The following FTL variants were observed in gnomAD, a reference collection of about 807,000 sequenced individuals.
The protein encoded by FTL is ferritin light chain, also known as epididymis secretory sperm binding protein.
Under a neutral mutation model 16.6 loss-of-function variants are expected in FTL, and 17 were observed. The observed-to-expected ratio is 1.02, with a 90% confidence interval of 0.70 to 1.53. The LOEUF (loss-of-function observed/expected upper bound fraction) is 1.53. FTL is among the 40% of genes most tolerant of loss of function. The pLI, the probability that FTL is intolerant of heterozygous loss-of-function variation, is 0.00. For missense variants in FTL, 186 were observed against 226.1 expected (o/e 0.82, Z 1.14); for synonymous variants, 73 against 89.9 (o/e 0.81, Z 1.06).
rs11553257 is a variant in FTL, at chr19:48,965,791, G to C, written c.124G>C (p.Asp42His). 1.9e-6 allele frequency: 3 copies of C among 1,614,166 alleles called. No individual in the cohort carries two copies. In the South Asian group the frequency reaches 3.3e-5, roughly 18 times the overall value. ...GTAGGGCTTCTATTTCGACCGCGAT[G>C]ATGTGGCTCTGGAAGGCGTGAGCCA... ...LSLGFYFDRD[D>H]VALEGVSHFF... The change falls in exon 2 of 4, where the codon GAT becomes CAT. Residue 42 changes from aspartate to histidine, a missense_variant. By Grantham distance (81) the Asp-to-His change is moderately conservative. Coordinates refer to ENST00000331825, the MANE Select transcript of FTL (RefSeq NM_000146.4).
At position 48,965,433 on chromosome 19, in the gene FTL, A is replaced by C; in HGVS notation, c.-75A>C. The C allele has an allele frequency of 1.0e-6, 1 of 981,762 alleles. No homozygotes were observed. Among genetic ancestry groups the C allele is most frequent in the Non-Finnish European group, 1.6e-6 (1 of 615,392 alleles). 60.8% of individuals were successfully genotyped at this position (981,762 alleles called of 1,614,324 possible). A position where few individuals can be genotyped will look rare whatever the true frequency, so the allele number is the denominator to read the frequency against. ...CTCTCCGCTTGCAACCTCCGGGACC[A>C]TCTTCTCGGCCATCTCCTGCTTCTG... On this transcript the variant is annotated 5_prime_UTR_variant, in exon 1 of 4. Coordinates refer to ENST00000331825, the MANE Select transcript of FTL (RefSeq NM_000146.4).
intron 2 of FTL, 28 bp from the exon 3 acceptor site, chr19:48,966,253 T>C (rs1206222741): frequency 6.2e-7 from 1 of 1,613,796 alleles, no homozygotes; most frequent in Non-Finnish European, 8.5e-7. Context: ...AGTGTGTGTA[T>C]TCTGAGCCAT....
At chr19:48,966,492 T>G in intron 3 of FTL, 86 bp downstream of exon 3, 1 of 1,612,866 alleles carries the variant, frequency 6.2e-7, no homozygotes, top group South Asian at 1.1e-5. Flanking sequence ...GAGCCTCATT[T>G]CACACCTGTC....
At position 48,965,772 on chromosome 19, in the gene FTL, C is replaced by T. The variant is rs557876420; in HGVS notation, c.105C>T (p.Gly35=). The stretch of plus-strand genomic sequence containing the variant: ...GTTGCCTCCATCTCTTCCCGTAGGG[C>T]TTCTATTTCGACCGCGATGATGTGG... ...LQASYTYLSL[G]FYFDRDDVAL... is the part of the protein sequence containing the mutation. The change falls in exon 2 of 4, where the codon GGC becomes GGT. Residue 35 remains glycine, a splice_region_variant and synonymous_variant. Coordinates refer to ENST00000331825, the MANE Select transcript of FTL (RefSeq NM_000146.4). The T allele has an allele frequency of 1.9e-6, 3 of 1,614,074 alleles. No homozygotes were observed. In the South Asian group the frequency reaches 3.3e-5, roughly 18 times the overall value.
At chr19:48,966,010 GGAGATT>G in intron 2 of FTL, 94 bp downstream of exon 2, 2 of 1,499,588 alleles carry the variant, frequency 1.3e-6, no homozygotes, top group Non-Finnish European at 1.8e-6. Flanking sequence ...TGGGCTTCTG[GGAGATT>G]GAGTTCGGTC....
Position 48,966,688 on chromosome 19 carries a change from G to A in FTL, c.481G>A (p.Gly161Arg). The A allele has an allele frequency of 6.2e-7, 1 of 1,613,768 alleles. No homozygotes were observed. The stretch of plus-strand genomic sequence containing the variant: ...CCACAGGCTGGGTGGCCCGGAGGCT[G>A]GGCTGGGCGAGTATCTCTTCGAAAG... ...NLHRLGGPEA[G>R]LGEYLFERLT... The change falls in exon 4 of 4, where the codon GGG becomes AGG. Residue 161 changes from glycine (G) to arginine (R), a missense_variant. Coordinates refer to ENST00000331825, the MANE Select transcript of FTL (RefSeq NM_000146.4).
chr19:48,965,309 G>A lies in FTL; in HGVS notation c.-199G>A, dbSNP rs943645679. 2 of 604,772 alleles carry A rather than the reference G, an allele frequency of 3.3e-6. No individual in the cohort carries two copies. Among genetic ancestry groups the A allele is most frequent in the African/African-American group, 3.7e-5 (2 of 54,564 alleles). The allele number at this position is 604,772 out of a possible 1,614,324, so 37.5% of individuals were successfully genotyped here. ...GAAGCCGCCCTAGCCACGTCCCCTCGCAGTTCGGCGGTCCCGCGGGTCTGT... is the reference window on the plus strand; with the variant it reads ...GAAGCCGCCCTAGCCACGTCCCCTCACAGTTCGGCGGTCCCGCGGGTCTGT... On this transcript the variant is annotated 5_prime_UTR_variant, in exon 1 of 4. Transcript: ENST00000331825.
Position 48,966,317 on chromosome 19 carries a change from G to T in FTL, c.286G>T (p.Ala96Ser). The change falls in exon 3 of 4, where the codon GCC becomes TCC. Residue 96 changes from alanine (A) to serine (S), a missense_variant. By Grantham distance (99) the Ala-to-Ser change is moderately conservative. Coordinates refer to ENST00000331825, the MANE Select transcript of FTL (RefSeq NM_000146.4). ...AEDEWGKTPD[A>S]MKAAMALEKK... is the part of the protein sequence containing the mutation. The stretch of plus-strand genomic sequence containing the variant: ...AGATGAGTGGGGTAAAACCCCAGAC[G>T]CCATGAAAGCTGCCATGGCCCTGGA... 1 of 1,614,092 alleles carries T rather than the reference G, an allele frequency of 6.2e-7. No individual in the cohort carries two copies. The highest frequency in any genetic ancestry group is 8.5e-7 in the Non-Finnish European group (1 of 1,180,002).
Position 48,965,497 on chromosome 19 carries a change from G to GCCAA in FTL, c.-3_1dup, listed in dbSNP as rs746746803. On this transcript the variant is annotated 5_prime_UTR_variant, in exon 1 of 4. Coordinates refer to ENST00000331825, the MANE Select transcript of FTL (RefSeq NM_000146.4). ...CCGTTTTTGTGGTTAGCTCCTTCTT[G>GCCAA]CCAACCAACCATGAGCTCCCAGATT... 1 of 1,605,666 alleles carries GCCAA rather than the reference G, an allele frequency of 6.2e-7. No homozygotes were observed. Among genetic ancestry groups the GCCAA allele is most frequent in the South Asian group, 1.1e-5 (1 of 90,932 alleles).
chr19:48,965,979 T>C (rs2038448757), intron 2 of FTL, 63 bp downstream of exon 2: 1 of 1,585,610 alleles, frequency 6.3e-7, no homozygotes, highest in Non-Finnish European at 8.6e-7. Flanking sequence ...GGAGCCTTGA[T>C]TTGAGGGCGT....
At position 48,966,684 on chromosome 19, in the gene FTL, G is replaced by T; in HGVS notation, c.477G>T (p.Glu159Asp). Residue 159 changes from glutamate to aspartate, a missense_variant, in exon 4 of 4, where the codon GAG becomes GAT. Transcript: ENST00000331825. ...LTNLHRLGGP[E>D]AGLGEYLFER... ...ACCTCCACAGGCTGGGTGGCCCGGA[G>T]GCTGGGCTGGGCGAGTATCTCTTCG... 6.2e-7 allele frequency: 1 copy of T among 1,613,804 alleles called. No individual in the cohort carries two copies. Among genetic ancestry groups the T allele is most frequent in the Non-Finnish European group, 8.5e-7 (1 of 1,180,032 alleles).
At chr19:48,966,500 G>C (rs2038457425) in intron 3 of FTL, 83 bp from the exon 4 acceptor site, 2 of 1,612,544 alleles carry the variant, frequency 1.2e-6, no homozygotes, top group Admixed American at 3.3e-5. Flanking sequence ...TTTCACACCT[G>C]TCACATTTTA....
rs2038438477 is a variant in FTL at position 48,965,346 on chromosome 19, A to G, written c.-162A>G. On this transcript the variant is annotated 5_prime_UTR_variant, in exon 1 of 4. Coordinates refer to ENST00000331825, the MANE Select transcript of FTL (RefSeq NM_000146.4). ...TCCCGCGGGTCTGTCTCTTGCTTCA[A>G]CAGTGTTTGGACGGAACAGATCCGG... is the stretch of plus-strand genomic sequence containing the variant. 5.9e-6 allele frequency: 4 copies of G among 679,918 alleles called. No homozygotes were observed. Among genetic ancestry groups the G allele is most frequent in the Non-Finnish European group, 5.4e-6 (2 of 371,700 alleles). 42.1% of individuals were successfully genotyped at this position (679,918 alleles called of 1,614,324 possible). A position where few individuals can be genotyped will look rare whatever the true frequency, so the allele number is the denominator to read the frequency against.
Position 48,966,407 on chromosome 19 carries a change from G to GT in FTL, c.375+2dup. On this transcript the variant is annotated splice_donor_variant, in intron 3 of 3. Coordinates refer to ENST00000331825, the MANE Select transcript of FTL (RefSeq NM_000146.4). ...GGGTTCTGCCCGCACGGACCCCCAT[G>GT]TACGTACCCGCTGCATCCATGGCTA... The GT allele has an allele frequency of 6.2e-7, 1 of 1,614,050 alleles. No individual in the cohort carries two copies. Among genetic ancestry groups the GT allele is most frequent in the South Asian group, 1.1e-5 (1 of 91,072 alleles).
Position 48,965,823 on chromosome 19 carries a change from C to T in FTL, c.156C>T (p.Phe52=), listed in dbSNP as rs143106340. 1 of 1,614,192 alleles carries T rather than the reference C, an allele frequency of 6.2e-7. No individual in the cohort carries two copies. The highest frequency in any genetic ancestry group is 1.7e-4 in the Middle Eastern group (1 of 6,060). ...DVALEGVSHF[F]RELAEEKREG... Reference sequence around the variant, plus strand: ...CTCTGGAAGGCGTGAGCCACTTCTTCCGCGAATTGGCCGAGGAGAAGCGCG... The same window carrying T: ...CTCTGGAAGGCGTGAGCCACTTCTTTCGCGAATTGGCCGAGGAGAAGCGCG... Residue 52 remains phenylalanine, a synonymous_variant, in exon 2 of 4, where the codon TTC becomes TTT. Coordinates refer to ENST00000331825, the MANE Select transcript of FTL (RefSeq NM_000146.4).
At position 48,966,863 on chromosome 19, in the gene FTL, T is replaced by C; in HGVS notation, c.*128T>C. The C allele has an allele frequency of 9.9e-7, 1 of 1,005,552 alleles. No homozygotes were observed. Among genetic ancestry groups the C allele is most frequent in the East Asian group, 2.6e-5 (1 of 38,704 alleles). The allele number at this position is 1,005,552 out of a possible 1,614,324, so 62.3% of individuals were successfully genotyped here. ...TAACAAGCCTTGGACCAAATGGAAA[T>C]AAAGCTTTTTGATGCAGCTGGTGGT... On this transcript the variant is annotated 3_prime_UTR_variant, in exon 4 of 4. Coordinates refer to ENST00000331825, the MANE Select transcript of FTL (RefSeq NM_000146.4).
intron 2 of FTL, 24 bp downstream of exon 2, chr19:48,965,940 C>CTACA: frequency 6.2e-7 from 1 of 1,613,160 alleles, no homozygotes. Context: ...GGGTAATGGA[C>CTACA]TACATCTCCC....
At position 48,965,795 on chromosome 19, in the gene FTL, T is replaced by G. The variant is rs1386372236; in HGVS notation, c.128T>G (p.Val43Gly). The G allele has an allele frequency of 1.2e-6, 2 of 1,614,190 alleles. No homozygotes were observed. The highest frequency in any genetic ancestry group is 2.2e-5 in the South Asian group (2 of 91,086). Residue 43 changes from valine to glycine, a missense_variant, in exon 2 of 4, where the codon GTG becomes GGG. Physicochemically the swap from Val to Gly is moderately radical, Grantham distance 109. Transcript: ENST00000331825. Reference protein sequence around the residue: ...SLGFYFDRDDVALEGVSHFFR... With the variant: ...SLGFYFDRDDGALEGVSHFFR... Reference sequence around the variant, plus strand: ...GGCTTCTATTTCGACCGCGATGATGTGGCTCTGGAAGGCGTGAGCCACTTC... The same window carrying G: ...GGCTTCTATTTCGACCGCGATGATGGGGCTCTGGAAGGCGTGAGCCACTTC...
At position 48,966,656 on chromosome 19, in the gene FTL, C is replaced by A. The variant is rs755825625; in HGVS notation, c.449C>A (p.Thr150Asn). 6.2e-7 allele frequency: 1 copy of A among 1,613,926 alleles called. No individual in the cohort carries two copies. Among genetic ancestry groups the A allele is most frequent in the Admixed American group, 1.7e-5 (1 of 60,016 alleles). The change falls in exon 4 of 4, where the codon ACC becomes AAC. Residue 150 changes from threonine (T) to asparagine (N), a missense_variant. Physicochemically the swap from Thr to Asn is moderately conservative, Grantham distance 65. Transcript: ENST00000331825. ...KLIKKMGDHL[T>N]NLHRLGGPEA... is the part of the protein sequence containing the mutation. ...ATCAAGAAGATGGGTGACCACCTGA[C>A]CAACCTCCACAGGCTGGGTGGCCCG...
Sources: allele counts gnomAD v4.1 joint callset, GRCh38; gene constraint gnomAD v4.1.1; transcripts MANE v1.5; gene names NCBI Gene and HGNC (gene_info 2026-07-23, HGNC 2026-07-21).